Variants in FBXW10B observed in about 807,000 individuals in gnomAD.
FBXW10B encodes F-box and WD repeat domain containing 10B, also known as F-box and WD repeat domain containing protein 10B.
the FBXW10B span, among the ~76,000 whole-genome samples, chr17:15,603,888 C>T: frequency 6.9e-6 from 1 of 144,410 alleles, no homozygotes; most frequent in African/African-American, 2.6e-5. Context: ...CTGGCTAACA[C>T]GGGGAAACCC....
chr17:15,599,148 T>C, the FBXW10B span, among the ~76,000 whole-genome samples: 22 of 139,802 alleles, frequency 1.6e-4, no homozygotes, highest in East Asian at 3.4e-3. Context: ...GCACTCCAGC[T>C]TGCCAATAGA....
At chr17:15,601,641 T>A in the FBXW10B span, among the ~76,000 whole-genome samples, 1 of 152,160 alleles carries the variant, frequency 6.6e-6, no homozygotes, top group Non-Finnish European at 1.5e-5. Flanking sequence ...TACACAGGAC[T>A]TTTATGAAGA....
chr17:15,618,623 AAAC>A, the FBXW10B span, among the ~76,000 whole-genome samples: 1 of 152,016 alleles, frequency 6.6e-6, no homozygotes, highest in Non-Finnish European at 1.5e-5. Context: ...CTGAAGAGAA[AAAC>A]AAAAGCTTCC....
chr17:15,583,858 AG>A, the FBXW10B span, among the ~76,000 whole-genome samples: 2 of 151,212 alleles, frequency 1.3e-5, no homozygotes, highest in African/African-American at 4.9e-5. Context: ...TCTTATTTTA[AG>A]GGTTTTTTTT....
chr17:15,585,334 T>TA, the FBXW10B span, among the ~76,000 whole-genome samples: 1 of 152,102 alleles, frequency 6.6e-6, no homozygotes, highest in African/African-American at 2.4e-5. Context: ...AATTAAAAGA[T>TA]AAAATTTTTT....
the FBXW10B span, among the ~76,000 whole-genome samples, chr17:15,592,642 A>T: frequency 6.6e-6 from 1 of 150,480 alleles, no homozygotes; most frequent in Non-Finnish European, 1.5e-5. Flanking sequence ...ACTCTCCTAT[A>T]TGTCTCTTTG....
the FBXW10B span, among the ~76,000 whole-genome samples, chr17:15,590,241 G>T: frequency 3.6e-4 from 55 of 151,992 alleles, 1 homozygote; most frequent in East Asian, 0.01. Flanking sequence ...TTTGTAAGGT[G>T]CTGGACCATG....
At chr17:15,600,252 A>T in the FBXW10B span, among the ~76,000 whole-genome samples, 1 of 150,666 alleles carries the variant, frequency 6.6e-6, no homozygotes, top group East Asian at 2.0e-4. Context: ...TCACAGAGTT[A>T]TTGTGAGGCT....
the FBXW10B span, among the ~76,000 whole-genome samples, chr17:15,593,893 T>C: frequency 6.6e-6 from 1 of 152,108 alleles, no homozygotes; most frequent in African/African-American, 2.4e-5. Context: ...CCTCCCAAAG[T>C]GCTGGGATTA....
chr17:15,601,949 A>G, the FBXW10B span, among the ~76,000 whole-genome samples: 1 of 152,004 alleles, frequency 6.6e-6, no homozygotes, highest in Non-Finnish European at 1.5e-5. Flanking sequence ...TGTCTCTACT[A>G]AAAATACAAA....
the FBXW10B span, among the ~76,000 whole-genome samples, chr17:15,568,271 G>C: frequency 6.6e-6 from 1 of 152,102 alleles, no homozygotes; most frequent in South Asian, 2.1e-4. Flanking sequence ...GCCAGGCATG[G>C]TGCTCGACCC....
At chr17:15,586,294 A>C in the FBXW10B span, among the ~76,000 whole-genome samples, 1 of 151,620 alleles carries the variant, frequency 6.6e-6, no homozygotes, top group Non-Finnish European at 1.5e-5. Context: ...TAAACTGCTG[A>C]TTTGGGGGGG....
chr17:15,594,139 A>T, the FBXW10B span, among the ~76,000 whole-genome samples: 1 of 152,174 alleles, frequency 6.6e-6, no homozygotes. Flanking sequence ...CTTATACAAT[A>T]GTCATGCTGA....
At chr17:15,617,641 G>C in the FBXW10B span, among the ~76,000 whole-genome samples, 9 of 152,182 alleles carry the variant, frequency 5.9e-5, no homozygotes, top group African/African-American at 1.9e-4. Context: ...AATATAGTTC[G>C]AGCAAGAGCT....
the FBXW10B span, among the ~76,000 whole-genome samples, chr17:15,595,481 G>A: frequency 6.6e-6 from 1 of 152,160 alleles, no homozygotes; most frequent in Non-Finnish European, 1.5e-5. Context: ...TCTGTGTTTG[G>A]GGCAGACACT....
the FBXW10B span, among the ~76,000 whole-genome samples, chr17:15,569,782 C>T: frequency 7.2e-5 from 11 of 152,100 alleles, no homozygotes; most frequent in East Asian, 7.7e-4. Flanking sequence ...ACTATGTTGC[C>T]CAGGCTGGTC....
chr17:15,565,570 GT>G, the FBXW10B span: 1 of 1,613,922 alleles, frequency 6.2e-7, no homozygotes, highest in Non-Finnish European at 8.5e-7. Flanking sequence ...AGGGGCCGCT[GT>G]TTTCCCTTGC....
the FBXW10B span, among the ~76,000 whole-genome samples, chr17:15,587,626 C>T: frequency 6.6e-6 from 1 of 151,824 alleles, no homozygotes; most frequent in African/African-American, 2.4e-5. Flanking sequence ...AATTCTAACT[C>T]GTCATAATTC....
chr17:15,601,740 A>G, the FBXW10B span, among the ~76,000 whole-genome samples: 2 of 152,330 alleles, frequency 1.3e-5, no homozygotes, highest in Admixed American at 1.3e-4. Context: ...CCCAAATAAA[A>G]AGTCTAGTTA....
Sources: allele counts gnomAD v4.1 joint callset (sites outside exome capture counted in the v4.1 genomes callset), GRCh38; gene constraint gnomAD v4.1.1; transcripts MANE v1.5; gene names NCBI Gene and HGNC (gene_info 2026-07-23, HGNC 2026-07-21).